ITPRID1: variants seen among roughly 807,000 people sequenced by gnomAD.
ITPRID1 encodes the protein ITPR interacting domain containing 1, also known as protein ITPRID1.
A neutral mutation model predicts 95.4 loss-of-function variants in ITPRID1; 96 were observed. The ratio of observed to expected loss-of-function variants is 1.01; its 90% confidence interval spans 0.85 to 1.19. The LOEUF (loss-of-function observed/expected upper bound fraction) is 1.19. Among genes scored for constraint, ITPRID1 ranks in the 50% most tolerant of loss-of-function variants. The pLI, the probability that ITPRID1 is intolerant of heterozygous loss-of-function variation, is 0.00. For synonymous variants in ITPRID1, 510 were observed against 453.6 expected (o/e 1.12, Z -1.58); for missense variants, 1,339 against 1,252.9 (o/e 1.07, Z -1.04).
intron 7 of ITPRID1, among the ~76,000 whole-genome samples, chr7:31,573,123 C>T (rs745861574): frequency 6.6e-6 from 1 of 152,110 alleles, no homozygotes; most frequent in Non-Finnish European, 1.5e-5. Context: ...CCAAATGGAG[C>T]CATCTCCAGT....
At chr7:31,562,751 T>C (rs1366880360) in intron 5 of ITPRID1, among the ~76,000 whole-genome samples, 1 of 152,232 alleles carries the variant, frequency 6.6e-6, no homozygotes, top group Non-Finnish European at 1.5e-5. Flanking sequence ...TCTAGTCTTA[T>C]TCCTTCTCAT....
At chr7:31,529,039 CT>C (rs1181990095) in intron 1 of ITPRID1, among the ~76,000 whole-genome samples, 1 of 152,172 alleles carries the variant, frequency 6.6e-6, no homozygotes, top group African/African-American at 2.4e-5. Context: ...ACTCATCTTC[CT>C]AATGTGAAAT....
At position 31,606,174 on chromosome 7, in the gene ITPRID1, C is replaced by T. The variant is rs187148443; in HGVS notation, c.1228+22983C>T. ...TAATAGATAATAGTGTAAATTCTTG[C>T]CTTCTGATAAATAGGACTATTTAAA... On this transcript the variant is annotated intron_variant, in intron 10 of 14. Coordinates refer to ENST00000615280, the MANE Select transcript of ITPRID1 (RefSeq NM_001257967.3). 4.6e-5 allele frequency among the ~76,000 whole-genome samples: 7 copies of T among 151,930 alleles called. No homozygotes were observed. The East Asian group carries it at 1.4e-3, about 29-fold the overall frequency.
At chr7:31,616,504 G>C (rs1435284659) in intron 10 of ITPRID1, among the ~76,000 whole-genome samples, 1 of 151,958 alleles carries the variant, frequency 6.6e-6, no homozygotes, top group Non-Finnish European at 1.5e-5. Flanking sequence ...TACAGTATGG[G>C]GGTGGGACCC....
Position 31,655,945 on chromosome 7 carries a change from C to G in ITPRID1, c.*3116C>G. The G allele has an allele frequency of 1.0e-6, 1 of 985,346 alleles. No homozygotes were observed. Among genetic ancestry groups the G allele is most frequent in the Non-Finnish European group, 1.2e-6 (1 of 829,854 alleles). 61.0% of individuals were successfully genotyped at this position (985,346 alleles called of 1,614,324 possible). ...TTTACCAGTCTCATTTCCTGCTCAT[C>G]CCTCAGATGAATCTCCAATTCTATT... is the stretch of plus-strand genomic sequence containing the variant. On this transcript the variant is annotated 3_prime_UTR_variant, in exon 15 of 15. Transcript: ENST00000615280.
At chr7:31,564,046 A>T (rs927026279) in intron 5 of ITPRID1, among the ~76,000 whole-genome samples, 2 of 152,182 alleles carry the variant, frequency 1.3e-5, no homozygotes, top group African/African-American at 4.8e-5. Context: ...TGATTAGTCT[A>T]TTGGACGATA....
intron 2 of ITPRID1, among the ~76,000 whole-genome samples, chr7:31,550,206 T>A (rs1784238138): frequency 6.6e-6 from 1 of 152,064 alleles, no homozygotes; most frequent in African/African-American, 2.4e-5. Flanking sequence ...TCCTCTTTTT[T>A]TTTTTTTTTG....
At position 31,653,592 on chromosome 7, in the gene ITPRID1, T is replaced by G. The variant is rs909351835; in HGVS notation, c.*763T>G. The G allele has an allele frequency of 1.3e-5, 2 of 152,148 alleles. No homozygotes were observed. Among genetic ancestry groups the G allele is most frequent in the African/African-American group, 4.8e-5 (2 of 41,442 alleles). 9.4% of individuals were successfully genotyped at this position (152,148 alleles called of 1,614,324 possible). ...TTAGGGACCACAAGGAATTTCCCAG[T>G]GGGCAAATTGTGAGGGAGGTATTTA... On this transcript the variant is annotated 3_prime_UTR_variant, in exon 15 of 15. Coordinates refer to ENST00000615280, the MANE Select transcript of ITPRID1 (RefSeq NM_001257967.3).
intron 10 of ITPRID1, among the ~76,000 whole-genome samples, chr7:31,631,292 GCA>G: frequency 6.6e-6 from 1 of 152,100 alleles, no homozygotes; most frequent in Non-Finnish European, 1.5e-5. Context: ...ATGCGTGCGT[GCA>G]CACACAGACA....
At chr7:31,623,637 C>G (rs1254986190) in intron 10 of ITPRID1, among the ~76,000 whole-genome samples, 1 of 134,134 alleles carries the variant, frequency 7.5e-6, no homozygotes, top group Non-Finnish European at 1.6e-5. Flanking sequence ...GACAAACCCA[C>G]AGCCAATATC....
At chr7:31,518,120 C>T (rs1783107143) in intron 1 of ITPRID1, 1 of 152,434 alleles carries the variant, frequency 6.6e-6, no homozygotes, top group Non-Finnish European at 1.5e-5. Context: ...AGAGGAGGAG[C>T]CATCATGATA....
chr7:31,561,567 G>C (rs1039026460), intron 5 of ITPRID1, among the ~76,000 whole-genome samples: 3 of 152,166 alleles, frequency 2.0e-5, no homozygotes, highest in Non-Finnish European at 4.4e-5. Flanking sequence ...ACTGCAAAAG[G>C]TTGGACAGCT....
chr7:31,557,609 G>A (rs935645572), intron 5 of ITPRID1, among the ~76,000 whole-genome samples: 1 of 152,134 alleles, frequency 6.6e-6, no homozygotes, highest in African/African-American at 2.4e-5. Context: ...TGGCACTTCA[G>A]CCTCTTCATC....
Position 31,643,177 on chromosome 7 carries a change from G to T in ITPRID1, c.1807G>T (p.Asp603Tyr), listed in dbSNP as rs1352974874. ...HNESQRSPGN[D>Y]HTQDKFLHVD... ...TGAGTCTCAAAGGTCACCTGGAAAT[G>T]ATCATACTCAAGACAAGTTCCTTCA... Residue 603 changes from aspartate (D) to tyrosine (Y), a missense_variant, in exon 12 of 15, where the codon GAT (aspartate) becomes TAT (tyrosine). Transcript: ENST00000615280. 3 of 1,613,834 alleles carry T rather than the reference G, an allele frequency of 1.9e-6. No homozygotes were observed. The highest frequency in any genetic ancestry group is 2.5e-6 in the Non-Finnish European group (3 of 1,179,908).
At chr7:31,584,779 G>C (rs957732010) in intron 10 of ITPRID1, among the ~76,000 whole-genome samples, 1 of 152,228 alleles carries the variant, frequency 6.6e-6, no homozygotes, top group African/African-American at 2.4e-5. Flanking sequence ...TATGATAACT[G>C]TGTGTGTAAT....
At chr7:31,535,395 T>C (rs969296477) in intron 1 of ITPRID1, among the ~76,000 whole-genome samples, 4 of 152,044 alleles carry the variant, frequency 2.6e-5, no homozygotes, top group African/African-American at 9.7e-5. Flanking sequence ...AATATATATG[T>C]ATTTTTATCT....
intron 1 of ITPRID1, among the ~76,000 whole-genome samples, chr7:31,521,616 TTCCCTCCTTCC>T (rs1285931884): frequency 0.023 from 1,885 of 83,600 alleles, 36 homozygotes; most frequent in African/African-American, 0.025. Context: ...TTTTTCTCCT[TTCCCTCCTTCC>T]TTCCTTCCTT....
At chr7:31,565,322 A>T (rs998641210) in intron 5 of ITPRID1, among the ~76,000 whole-genome samples, 1 of 152,252 alleles carries the variant, frequency 6.6e-6, no homozygotes, top group Non-Finnish European at 1.5e-5. Flanking sequence ...TTAAAAAATC[A>T]TATTCAGTTT....
intron 10 of ITPRID1, among the ~76,000 whole-genome samples, chr7:31,606,045 T>C (rs1395002868): frequency 1.3e-5 from 2 of 152,222 alleles, no homozygotes; most frequent in Admixed American, 6.5e-5. Context: ...AAACATAATA[T>C]GAATGTGTAG....
Sources: gnomAD v4.1 joint callset for allele counts (sites outside exome capture counted in the v4.1 genomes callset) on GRCh38, gnomAD v4.1.1 for gene constraint, MANE v1.5 for transcripts, NCBI Gene and HGNC (gene_info 2026-07-23, HGNC 2026-07-21) for gene names.